RIMS2: variants seen among roughly 807,000 people sequenced by gnomAD.
RIMS2 encodes the protein regulating synaptic membrane exocytosis protein 2.
A neutral mutation model predicts 174.4 loss-of-function variants in RIMS2; 59 were observed. The ratio of observed to expected loss-of-function variants is 0.34; its 90% CI spans 0.27 to 0.42. The LOEUF (loss-of-function observed/expected upper bound fraction) is 0.42, where lower values mean the gene tolerates loss of function less well. RIMS2 is among the 10% of genes least tolerant of loss of function. The pLI is 1.00. For missense variants in RIMS2, 1,620 were observed against 1,666.3 expected (o/e 0.97, Z 0.48); for synonymous variants, 606 against 572.5 (o/e 1.06, Z -0.84).
chr8:103,763,394 C>T (rs1460386931), intron 2 of RIMS2, among the ~76,000 whole-genome samples: 2 of 151,184 alleles, frequency 1.3e-5, no homozygotes, highest in Non-Finnish European at 2.9e-5. Flanking sequence ...TGATATTGTG[C>T]CGCTGAACTC....
intron 1 of RIMS2, among the ~76,000 whole-genome samples, chr8:103,511,371 G>A (rs1826357696): frequency 6.6e-6 from 1 of 152,100 alleles, no homozygotes; most frequent in Non-Finnish European, 1.5e-5. Flanking sequence ...CAATGGTCAT[G>A]TTAAAAGACT....
At chr8:103,800,637 T>C (rs2098600756) in intron 3 of RIMS2, among the ~76,000 whole-genome samples, 1 of 152,232 alleles carries the variant, frequency 6.6e-6, no homozygotes, top group African/African-American at 2.4e-5. Context: ...TTACACTGAT[T>C]GTTTTCAAAT....
chr8:103,835,323 G>C (rs569198824), intron 3 of RIMS2, among the ~76,000 whole-genome samples: 1 of 150,834 alleles, frequency 6.6e-6, no homozygotes, highest in South Asian at 2.1e-4. Flanking sequence ...GGCTTGTCTT[G>C]AACTCCTGAC....
At chr8:103,922,914 A>G (rs921555970) in intron 10 of RIMS2, among the ~76,000 whole-genome samples, 4 of 152,006 alleles carry the variant, frequency 2.6e-5, no homozygotes, top group Admixed American at 6.6e-5. Flanking sequence ...TGACAATAAC[A>G]GAAAAGTTAT....
intron 3 of RIMS2, among the ~76,000 whole-genome samples, chr8:103,867,885 G>C (rs1334980388): frequency 1.3e-5 from 2 of 151,934 alleles, no homozygotes; most frequent in African/African-American, 4.8e-5. Context: ...ACACTTTCTG[G>C]AGATGCCTGC....
At chr8:104,066,881 C>G (rs1260856978) in intron 19 of RIMS2, among the ~76,000 whole-genome samples, 1 of 151,878 alleles carries the variant, frequency 6.6e-6, no homozygotes, top group Non-Finnish European at 1.5e-5. Context: ...CTAAGATTTT[C>G]CTTTTGAAAC....
intron 14 of RIMS2, among the ~76,000 whole-genome samples, chr8:103,943,154 A>C (rs1450779244): frequency 6.6e-6 from 1 of 152,188 alleles, no homozygotes; most frequent in Non-Finnish European, 1.5e-5. Flanking sequence ...GAAGTGGTTT[A>C]TATTTGTATT....
intron 19 of RIMS2, among the ~76,000 whole-genome samples, chr8:104,105,089 G>A (rs2098017104): frequency 6.6e-6 from 1 of 152,106 alleles, no homozygotes; most frequent in South Asian, 2.1e-4. Flanking sequence ...AAATCCTTTA[G>A]GATTGTGGTA....
chr8:103,754,130 C>T (rs973597104), intron 2 of RIMS2, among the ~76,000 whole-genome samples: 3 of 152,302 alleles, frequency 2.0e-5, no homozygotes, highest in African/African-American at 7.2e-5. Context: ...TACGTTGTTT[C>T]TTTGTTCTTA....
Position 104,211,090 on chromosome 8 carries a change from A to C in RIMS2, c.3335-33826A>C, listed in dbSNP as rs567545901. On this transcript the variant is annotated intron_variant, in intron 19 of 23. Coordinates refer to ENST00000504942, the Ensembl canonical transcript of RIMS2. Reference sequence around the variant, plus strand: ...AAAATCTAATTTATTTTATTACATTAACTCAACAAGATAACATGTTCTATA... The same window carrying C: ...AAAATCTAATTTATTTTATTACATTCACTCAACAAGATAACATGTTCTATA... Among the ~76,000 whole-genome samples the C allele has an allele frequency of 1.4e-3, 219 of 152,358 alleles. 1 individual carries two copies. Among genetic ancestry groups the C allele is most frequent in the African/African-American group, 4.9e-3 (204 of 41,580 alleles).
intron 1 of RIMS2, among the ~76,000 whole-genome samples, chr8:103,560,481 A>G (rs1251420785): frequency 6.6e-6 from 1 of 152,258 alleles, no homozygotes; most frequent in Non-Finnish European, 1.5e-5. Flanking sequence ...TATATAAACA[A>G]TCTTCAGAAG....
At chr8:104,164,470 TA>T (rs2098784473) in intron 19 of RIMS2, among the ~76,000 whole-genome samples, 1 of 152,132 alleles carries the variant, frequency 6.6e-6, no homozygotes, top group Non-Finnish European at 1.5e-5. Flanking sequence ...GTTTTAAAAA[TA>T]AAAATCATAA....
intron 19 of RIMS2, among the ~76,000 whole-genome samples, chr8:104,214,749 T>A (rs2099122252): frequency 1.3e-5 from 2 of 152,252 alleles, no homozygotes; most frequent in South Asian, 4.1e-4. Flanking sequence ...CCGAGAGACA[T>A]CTTTAACAGA....
chr8:103,625,149 G>C (rs1251259929), intron 1 of RIMS2, among the ~76,000 whole-genome samples: 1 of 151,744 alleles, frequency 6.6e-6, no homozygotes, highest in Non-Finnish European at 1.5e-5. Flanking sequence ...GGCTGGGGCA[G>C]GGGTGTTTGT....
At chr8:104,009,802 C>T (rs2095699454) in intron 17 of RIMS2, among the ~76,000 whole-genome samples, 1 of 152,130 alleles carries the variant, frequency 6.6e-6, no homozygotes, top group Non-Finnish European at 1.5e-5. Context: ...TTACTTATGA[C>T]ATCTTTCCAA....
At chr8:103,534,545 A>T (rs1196767968) in intron 1 of RIMS2, among the ~76,000 whole-genome samples, 1 of 152,184 alleles carries the variant, frequency 6.6e-6, no homozygotes, top group East Asian at 1.9e-4. Flanking sequence ...AAACATTCTC[A>T]TTGTTTGATA....
At chr8:104,169,304 C>CTATACA (rs2098816931) in intron 19 of RIMS2, among the ~76,000 whole-genome samples, 1 of 87,544 alleles carries the variant, frequency 1.1e-5, no homozygotes, top group Non-Finnish European at 2.1e-5. Flanking sequence ...TTGTTGTTGG[C>CTATACA]TATATATATA....
At chr8:104,140,086 C>G (rs1240422571) in intron 19 of RIMS2, among the ~76,000 whole-genome samples, 1 of 152,212 alleles carries the variant, frequency 6.6e-6, no homozygotes, top group African/African-American at 2.4e-5. Context: ...ATATGTTGAA[C>G]CATCTTCGCA....
chr8:103,549,825 T>C (rs1846865989), intron 1 of RIMS2, among the ~76,000 whole-genome samples: 1 of 152,052 alleles, frequency 6.6e-6, no homozygotes, highest in Non-Finnish European at 1.5e-5. Flanking sequence ...GCAATCCTAG[T>C]CTCTGATAAA....
Sources: gnomAD v4.1 joint callset for allele counts (sites outside exome capture counted in the v4.1 genomes callset) on GRCh38, gnomAD v4.1.1 for gene constraint, MANE v1.5 for transcripts, NCBI Gene and HGNC (gene_info 2026-07-23, HGNC 2026-07-21) for gene names.